The following RMDN2 variants were observed in gnomAD, a reference collection of about 807,000 sequenced individuals.
RMDN2 encodes the protein regulator of microtubule dynamics 2, also known as regulator of microtubule dynamics protein 2.
Under a neutral mutation model 52.8 loss-of-function variants are expected in RMDN2, and 61 were observed. That is an observed-to-expected ratio of 1.16 (90% CI 0.94 to 1.43). The LOEUF (loss-of-function observed/expected upper bound fraction) is 1.43. RMDN2 is among the 40% of genes most tolerant of loss of function. The pLI is 0.00. For synonymous variants in RMDN2, 180 were observed against 153.1 expected (o/e 1.18, Z -1.30); for missense variants, 592 against 475.3 (o/e 1.25, Z -2.28).
chr2:37,979,819 G>T (rs976986015), intron 4 of RMDN2, among the ~76,000 whole-genome samples: 16 of 152,088 alleles, frequency 1.1e-4, no homozygotes, highest in African/African-American at 3.6e-4. Flanking sequence ...TACGCTGAAA[G>T]TTTTATTCAT....
intron 2 of RMDN2, among the ~76,000 whole-genome samples, chr2:37,972,158 A>T (rs968172890): frequency 6.6e-6 from 1 of 152,140 alleles, no homozygotes; most frequent in Non-Finnish European, 1.5e-5. Flanking sequence ...TTTTTTGCTG[A>T]TATGTAGAAA....
chr2:38,054,178 G>C (rs1324558070), intron 10 of RMDN2, among the ~76,000 whole-genome samples: 1 of 151,936 alleles, frequency 6.6e-6, no homozygotes. Context: ...AGAATCATTT[G>C]GGTTTGTTTT....
intron 10 of RMDN2, among the ~76,000 whole-genome samples, chr2:38,038,329 TTCTC>T (rs748432586): frequency 5.7e-4 from 87 of 152,216 alleles, no homozygotes; most frequent in Non-Finnish European, 1.0e-3. Flanking sequence ...CACTTTGTCT[TTCTC>T]TCCCTTGGGG....
intron 5 of RMDN2, among the ~76,000 whole-genome samples, chr2:37,983,416 A>G (rs934309782): frequency 1.3e-5 from 2 of 152,200 alleles, no homozygotes; most frequent in Non-Finnish European, 2.9e-5. Context: ...TGAGAACTAA[A>G]TGCCTTGTCT....
intron 10 of RMDN2, among the ~76,000 whole-genome samples, chr2:38,027,806 G>A (rs73926975): frequency 0.02 from 3,090 of 152,172 alleles, 95 homozygotes; most frequent in African/African-American, 0.065. Flanking sequence ...GCTGAAAATC[G>A]CATGTGGAAA....
At chr2:37,990,696 A>G (rs1411273985) in intron 6 of RMDN2, among the ~76,000 whole-genome samples, 2 of 152,118 alleles carry the variant, frequency 1.3e-5, no homozygotes, top group African/African-American at 4.8e-5. Flanking sequence ...ATACACACAC[A>G]CACAAAATGT....
At chr2:37,996,533 A>T (rs1675560560) in intron 7 of RMDN2, among the ~76,000 whole-genome samples, 1 of 149,228 alleles carries the variant, frequency 6.7e-6, no homozygotes, top group South Asian at 2.2e-4. Flanking sequence ...GCAGTGAGCC[A>T]TGATCGTGCC....
At chr2:37,933,014 T>C (rs1433571519) in intron 2 of RMDN2, among the ~76,000 whole-genome samples, 2 of 140,134 alleles carry the variant, frequency 1.4e-5, no homozygotes, top group African/African-American at 5.4e-5. Flanking sequence ...TCCTCACTTC[T>C]CAGACGGGGC....
intron 7 of RMDN2, among the ~76,000 whole-genome samples, chr2:37,992,331 A>C (rs534715433): frequency 6.6e-6 from 1 of 152,332 alleles, no homozygotes; most frequent in South Asian, 2.1e-4. Flanking sequence ...AAGGTATATC[A>C]TCTGTTTTTC....
chr2:38,007,017 A>G (rs1293457585), intron 10 of RMDN2, among the ~76,000 whole-genome samples: 1 of 152,064 alleles, frequency 6.6e-6, no homozygotes, highest in African/African-American at 2.4e-5. Context: ...TTATTGATCT[A>G]CGTATGTTGA....
chr2:38,013,739 T>C (rs528052739), intron 10 of RMDN2, among the ~76,000 whole-genome samples: 3 of 152,358 alleles, frequency 2.0e-5, no homozygotes, highest in Non-Finnish European at 2.9e-5. Flanking sequence ...CTTCCTGTTA[T>C]AGAAATGCTA....
intron 7 of RMDN2, among the ~76,000 whole-genome samples, chr2:37,996,828 T>C (rs1675617208): frequency 6.6e-6 from 1 of 152,120 alleles, no homozygotes; most frequent in African/African-American, 2.4e-5. Flanking sequence ...ATATGAAATT[T>C]AGTTTTGGTG....
intron 10 of RMDN2, among the ~76,000 whole-genome samples, chr2:38,052,698 C>G (rs1324040723): frequency 6.6e-6 from 1 of 152,106 alleles, no homozygotes; most frequent in Non-Finnish European, 1.5e-5. Flanking sequence ...GATGCTTATC[C>G]TCAGACAACT....
chr2:38,045,071 G>T (rs1194025284), intron 10 of RMDN2, among the ~76,000 whole-genome samples: 1 of 151,916 alleles, frequency 6.6e-6, no homozygotes, highest in Non-Finnish European at 1.5e-5. Flanking sequence ...TTTGTCAAGA[G>T]TAGGTTTATA....
At chr2:38,012,640 A>C in intron 10 of RMDN2, 2 of 467,174 alleles carry the variant, frequency 4.3e-6, no homozygotes, top group South Asian at 1.6e-5. Flanking sequence ...TTTTTTTCCA[A>C]GTAGTAAAGG....
chr2:37,978,396 TG>T (rs1672844229), intron 4 of RMDN2, among the ~76,000 whole-genome samples: 1 of 152,050 alleles, frequency 6.6e-6, no homozygotes, highest in Non-Finnish European at 1.5e-5. Context: ...CTGGGTATTA[TG>T]TACTAAGGTA....
chr2:37,952,399 G>T, intron 2 of RMDN2: 1 of 525,076 alleles, frequency 1.9e-6, no homozygotes, highest in Non-Finnish European at 3.3e-6. Flanking sequence ...GATGTTATTG[G>T]AGTATGGAAG....
intron 10 of RMDN2, among the ~76,000 whole-genome samples, chr2:38,008,080 A>T (rs1558544451): frequency 1.3e-5 from 2 of 152,138 alleles, no homozygotes; most frequent in African/African-American, 2.4e-5. Context: ...ACAGTTTGTT[A>T]TAATTTCTGT....
At chr2:38,041,620 T>G (rs2121260) in intron 10 of RMDN2, among the ~76,000 whole-genome samples, 44,667 of 151,884 alleles carry the variant, frequency 0.29, 8,155 homozygotes, top group South Asian at 0.5. Context: ...AATTCCTCCT[T>G]TTTACTGAGA....
Sources: gnomAD v4.1 joint callset for allele counts (sites outside exome capture counted in the v4.1 genomes callset) on GRCh38, gnomAD v4.1.1 for gene constraint, MANE v1.5 for transcripts, NCBI Gene and HGNC (gene_info 2026-07-23, HGNC 2026-07-21) for gene names.